Variants in ST8SIA4 observed in about 807,000 individuals in gnomAD.
ST8SIA4 encodes the protein ST8 alpha-N-acetyl-neuraminide alpha-2,8-sialyltransferase 4.
In ST8SIA4, 15 loss-of-function variants were observed where a neutral mutation model predicts 33.9. The ratio of observed to expected loss-of-function variants is 0.44; its 90% confidence interval spans 0.30 to 0.68. The LOEUF is 0.68. ST8SIA4 is among the 30% of genes least tolerant of loss of function. The pLI is 0.10. For synonymous variants in ST8SIA4, 171 were observed against 151.2 expected, an observed-to-expected ratio of 1.13 and a Z score of -0.96; for missense variants, 321 against 428.0, an observed-to-expected ratio of 0.75 and a Z score of 2.21.
At chr5:100,893,860 A>C (rs939295662) in intron 2 of ST8SIA4, among the ~76,000 whole-genome samples, 7 of 152,110 alleles carry the variant, frequency 4.6e-5, no homozygotes, top group Non-Finnish European at 7.4e-5. Flanking sequence ...TTTCTTGCTA[A>C]GCCATCCAAT....
chr5:100,828,107 T>C (rs1751179816), intron 4 of ST8SIA4, among the ~76,000 whole-genome samples: 1 of 152,134 alleles, frequency 6.6e-6, no homozygotes. Context: ...CGATTGCAAC[T>C]ACAAAAACAT....
At chr5:100,827,551 A>G (rs1405359430) in intron 4 of ST8SIA4, among the ~76,000 whole-genome samples, 1 of 152,238 alleles carries the variant, frequency 6.6e-6, no homozygotes, top group Non-Finnish European at 1.5e-5. Context: ...CCATGGAAAC[A>G]GTTTGAATGC....
chr5:100,824,302 T>C (rs1395570341), intron 4 of ST8SIA4, among the ~76,000 whole-genome samples: 4 of 152,152 alleles, frequency 2.6e-5, no homozygotes, highest in Non-Finnish European at 5.9e-5. Flanking sequence ...CTAGGGTATA[T>C]AGAGGTTCAA....
At chr5:100,883,885 G>T (rs966253858) in intron 3 of ST8SIA4, among the ~76,000 whole-genome samples, 57 of 152,292 alleles carry the variant, frequency 3.7e-4, no homozygotes, top group Non-Finnish European at 7.6e-4. Flanking sequence ...TCCAGTCTCA[G>T]GTACGCCCTT....
chr5:100,849,185 A>G, intron 4 of ST8SIA4: 3 of 985,350 alleles, frequency 3.0e-6, no homozygotes, highest in Non-Finnish European at 3.6e-6. Flanking sequence ...GACAGTTTGA[A>G]TATTCCCATG....
Position 100,809,418 on chromosome 5 carries a change from C to T in ST8SIA4, c.*2429G>A, listed in dbSNP as rs1476189159. On this transcript the variant is annotated 3_prime_UTR_variant, in exon 5 of 5. Coordinates refer to ENST00000231461, the MANE Select transcript of ST8SIA4 (RefSeq NM_005668.6). ...TGAGCTGAGATGGCATCACTGCATT[C>T]CAGCCTGTGTGACAGAGTGAGACTC... 1 of 148,246 alleles carries T rather than the reference C, an allele frequency of 6.7e-6. No individual in the cohort carries two copies. Among genetic ancestry groups the T allele is most frequent in the East Asian group, 2.0e-4 (1 of 5,080 alleles). The allele number at this position is 148,246 out of a possible 1,614,324, so 9.2% of individuals were successfully genotyped here. A position where few individuals can be genotyped will look rare whatever the true frequency, so the allele number is the denominator to read the frequency against.
intron 4 of ST8SIA4, among the ~76,000 whole-genome samples, chr5:100,825,148 G>T (rs1317754601): frequency 6.6e-6 from 1 of 152,086 alleles, no homozygotes; most frequent in East Asian, 1.9e-4. Flanking sequence ...CCTAGAGTGG[G>T]ATATAAGTAG....
At chr5:100,852,114 C>CTTTTTTTTTTTT (rs773074391) in intron 4 of ST8SIA4, among the ~76,000 whole-genome samples, 1 of 83,446 alleles carries the variant, frequency 1.2e-5, no homozygotes. Context: ...CTCCACTCTT[C>CTTTTTTTTTTTT]TTTTTTTTTT....
chr5:100,822,577 C>G (rs1021680422), intron 4 of ST8SIA4, among the ~76,000 whole-genome samples: 17 of 152,136 alleles, frequency 1.1e-4, no homozygotes, highest in African/African-American at 4.1e-4. Flanking sequence ...TAATAGTTCA[C>G]TGTAAATTAC....
Position 100,822,485 on chromosome 5 carries a change from G to A in ST8SIA4, c.798-10356C>T, listed in dbSNP as rs1376248112. Among the ~76,000 whole-genome samples the A allele has an allele frequency of 2.0e-5, 3 of 152,296 alleles. No homozygotes were observed. The East Asian group carries it at 5.8e-4, about 29-fold the overall frequency. ...CTTGGCTAGTCCTTGCAATGTCTGT[G>A]TTTCAGATTCCTGATCTCTAAATTT... On this transcript the variant is annotated intron_variant, in intron 4 of 4. Coordinates refer to ENST00000231461, the MANE Select transcript of ST8SIA4 (RefSeq NM_005668.6).
intron 3 of ST8SIA4, among the ~76,000 whole-genome samples, chr5:100,858,747 A>C (rs1433089369): frequency 6.6e-6 from 1 of 152,138 alleles, no homozygotes; most frequent in African/African-American, 2.4e-5. Context: ...TTAATTAATG[A>C]ATGCTAAATG....
At chr5:100,900,763 G>C (rs1752890657) in intron 1 of ST8SIA4, among the ~76,000 whole-genome samples, 1 of 134,190 alleles carries the variant, frequency 7.5e-6, no homozygotes, top group African/African-American at 2.7e-5. Context: ...CTTTGGGTGG[G>C]GGGTGGGGGT....
intron 3 of ST8SIA4, among the ~76,000 whole-genome samples, chr5:100,874,768 G>A (rs1279608548): frequency 6.6e-6 from 1 of 151,848 alleles, no homozygotes; most frequent in Non-Finnish European, 1.5e-5. Context: ...AATTTTTTTA[G>A]AGAAGGAGTT....
At chr5:100,833,320 G>C (rs1447535801) in intron 4 of ST8SIA4, among the ~76,000 whole-genome samples, 1 of 151,732 alleles carries the variant, frequency 6.6e-6, no homozygotes, top group Non-Finnish European at 1.5e-5. Flanking sequence ...TGACACACAG[G>C]GTTTTTGTAT....
At position 100,842,989 on chromosome 5, in the gene ST8SIA4, G is replaced by A. The variant is rs1751499362; in HGVS notation, c.797+13114C>T. Among the ~76,000 whole-genome samples the A allele has an allele frequency of 2.0e-5, 3 of 151,790 alleles. No homozygotes were observed. The South Asian group carries it at 6.2e-4, about 31-fold the overall frequency. On this transcript the variant is annotated intron_variant, in intron 4 of 4. Transcript: ENST00000231461. Reference sequence around the variant, plus strand: ...GGAAGCTTTAAAGTTGAACTCAGTTGCTTGATGCTATAGCTTAATGAACAC... The same window carrying A: ...GGAAGCTTTAAAGTTGAACTCAGTTACTTGATGCTATAGCTTAATGAACAC...
rs145110580 is a variant in ST8SIA4 at position 100,832,620 on chromosome 5, A to G, written c.798-20491T>C. On this transcript the variant is annotated intron_variant, in intron 4 of 4. Transcript: ENST00000231461. Reference sequence around the variant, plus strand: ...ACATCCCTAACTAACTTCCACATATATCTCTTTCCTTCTCTTCTTTTTTTC... The same window carrying G: ...ACATCCCTAACTAACTTCCACATATGTCTCTTTCCTTCTCTTCTTTTTTTC... Among the ~76,000 whole-genome samples the G allele has an allele frequency of 9.2e-5, 14 of 152,146 alleles. No homozygotes were observed. In the East Asian group the frequency reaches 2.7e-3, roughly 29 times the overall value.
At chr5:100,893,549 T>C (rs996577012) in intron 2 of ST8SIA4, among the ~76,000 whole-genome samples, 4 of 152,138 alleles carry the variant, frequency 2.6e-5, no homozygotes, top group Non-Finnish European at 4.4e-5. Context: ...ATTTGTAAAA[T>C]TGTAATACGA....
intron 4 of ST8SIA4, among the ~76,000 whole-genome samples, chr5:100,847,835 G>A (rs543049197): frequency 6.6e-6 from 1 of 151,922 alleles, no homozygotes; most frequent in East Asian, 1.9e-4. Flanking sequence ...TGTAAAGTAC[G>A]GGCACAGGTA....
At chr5:100,857,724 T>C (rs1751847877) in intron 3 of ST8SIA4, among the ~76,000 whole-genome samples, 1 of 152,084 alleles carries the variant, frequency 6.6e-6, no homozygotes, top group Non-Finnish European at 1.5e-5. Context: ...CTGTCTTATA[T>C]ATCGTTCCTT....
Sources: allele counts gnomAD v4.1 joint callset (sites outside exome capture counted in the v4.1 genomes callset), GRCh38; gene constraint gnomAD v4.1.1; transcripts MANE v1.5; gene names NCBI Gene and HGNC (gene_info 2026-07-23, HGNC 2026-07-21).